The following FHIT variants were observed in gnomAD, a reference collection of about 807,000 sequenced individuals.
The protein encoded by FHIT is bis(5'-adenosyl)-triphosphatase.
In FHIT, 19 loss-of-function variants were observed where a neutral mutation model predicts 17.9. The observed-to-expected ratio is 1.06, with a 90% confidence interval of 0.74 to 1.56. FHIT has a LOEUF of 1.56. FHIT is among the 40% of genes most tolerant of loss of function. FHIT has a pLI of 0.00. For synonymous variants in FHIT, 81 were observed against 69.7 expected (o/e 1.16, Z -0.81); for missense variants, 248 against 189.2 (o/e 1.31, Z -1.82).
At chr3:61,119,037 G>A (rs2036380071) in intron 2 of FHIT, among the ~76,000 whole-genome samples, 1 of 152,042 alleles carries the variant, frequency 6.6e-6, no homozygotes, top group Non-Finnish European at 1.5e-5. Context: ...GAGTGGTATA[G>A]CCCCTTAGAG....
intron 5 of FHIT, among the ~76,000 whole-genome samples, chr3:60,256,733 T>C (rs1327854217): frequency 6.6e-6 from 1 of 152,198 alleles, no homozygotes; most frequent in Admixed American, 6.5e-5. Context: ...CCCAGCACCA[T>C]CATAATTCTA....
chr3:60,349,834 T>A (rs1710994314), intron 5 of FHIT, among the ~76,000 whole-genome samples: 1 of 152,216 alleles, frequency 6.6e-6, no homozygotes, highest in South Asian at 2.1e-4. Context: ...TATATGATTA[T>A]CATATTTATA....
At chr3:60,239,077 T>A (rs1163914260) in intron 5 of FHIT, among the ~76,000 whole-genome samples, 1 of 152,150 alleles carries the variant, frequency 6.6e-6, no homozygotes, top group Non-Finnish European at 1.5e-5. Flanking sequence ...CAGCCATGAG[T>A]ATTTGTGAGC....
chr3:60,868,017 A>G (rs1559787678), intron 3 of FHIT, among the ~76,000 whole-genome samples: 1 of 152,186 alleles, frequency 6.6e-6, no homozygotes, highest in Non-Finnish European at 1.5e-5. Flanking sequence ...TTTCTCAATG[A>G]CAAACCTGTG....
At chr3:60,762,978 C>A (rs1371933306) in intron 4 of FHIT, among the ~76,000 whole-genome samples, 1 of 152,108 alleles carries the variant, frequency 6.6e-6, no homozygotes, top group Non-Finnish European at 1.5e-5. Flanking sequence ...TCTGGAGAAC[C>A]CTGACTGCTA....
chr3:59,976,228 G>C (rs1250321727), intron 7 of FHIT, among the ~76,000 whole-genome samples: 2 of 152,038 alleles, frequency 1.3e-5, no homozygotes, highest in Non-Finnish European at 2.9e-5. Flanking sequence ...ACCTGGCTGA[G>C]CAAATGCTTT....
chr3:60,083,037 C>A (rs1703356536), intron 5 of FHIT, among the ~76,000 whole-genome samples: 1 of 152,102 alleles, frequency 6.6e-6, no homozygotes, highest in Non-Finnish European at 1.5e-5. Flanking sequence ...AATTATTTCC[C>A]AAGGCTGATG....
chr3:60,292,680 C>G (rs563676313), intron 5 of FHIT, among the ~76,000 whole-genome samples: 2 of 152,044 alleles, frequency 1.3e-5, no homozygotes, highest in African/African-American at 2.4e-5. Context: ...ATTATAGACA[C>G]CAACTAACGA....
intron 4 of FHIT, among the ~76,000 whole-genome samples, chr3:60,558,967 A>G (rs1031119958): frequency 6.6e-6 from 1 of 152,190 alleles, no homozygotes; most frequent in African/African-American, 2.4e-5. Flanking sequence ...TCTTTCAATT[A>G]GGAGCATGAA....
Position 60,472,157 on chromosome 3 carries a change from T to TAAA in FHIT, c.103+64700_103+64702dup, listed in dbSNP as rs143951495. On this transcript the variant is annotated intron_variant, in intron 5 of 9. Transcript: ENST00000492590. Reference sequence around the variant, plus strand: ...AGTAGCTCTCAGTCTACTTTTTTGTTAAAAAAAAAAAAGAGCAAAAACAAC... The same window carrying TAAA: ...AGTAGCTCTCAGTCTACTTTTTTGTTAAAAAAAAAAAAAAAGAGCAAAAACAAC... Among the ~76,000 whole-genome samples the TAAA allele has an allele frequency of 1.9e-3, 284 of 146,818 alleles. 2 individuals are homozygous for TAAA. The highest frequency in any genetic ancestry group is 6.3e-3 in the African/African-American group (253 of 40,454).
chr3:61,220,657 A>G (rs1576250457), intron 1 of FHIT, among the ~76,000 whole-genome samples: 1 of 152,194 alleles, frequency 6.6e-6, no homozygotes, highest in African/African-American at 2.4e-5. Flanking sequence ...GTCTTGTTCT[A>G]TATTAAATCT....
chr3:60,841,110 T>C (rs1702713133), intron 3 of FHIT, among the ~76,000 whole-genome samples: 1 of 152,230 alleles, frequency 6.6e-6, no homozygotes, highest in Non-Finnish European at 1.5e-5. Context: ...TCTTCATCTG[T>C]ATTTACCACA....
intron 3 of FHIT, among the ~76,000 whole-genome samples, chr3:60,839,105 G>A (rs1470418817): frequency 5.3e-5 from 8 of 152,002 alleles, no homozygotes; most frequent in African/African-American, 1.9e-4. Context: ...TGGGCTAGAG[G>A]GCCTCATCCT....
rs115094015 is a variant in FHIT at position 60,718,799 on chromosome 3, C to T, written c.-18+103120G>A. Among the ~76,000 whole-genome samples the T allele has an allele frequency of 2.8e-3, 430 of 152,226 alleles. 3 individuals carry two copies. Among genetic ancestry groups the T allele is most frequent in the Non-Finnish European group, 3.1e-3 (208 of 68,026 alleles). ...AACTCATGAGTTATATAGAATTAAACAAATTTTTTTGACTGTGGAACTTCT... is the reference window on the plus strand; with the variant it reads ...AACTCATGAGTTATATAGAATTAAATAAATTTTTTTGACTGTGGAACTTCT... On this transcript the variant is annotated intron_variant, in intron 4 of 9. Coordinates refer to ENST00000492590, the MANE Select transcript of FHIT (RefSeq NM_002012.4).
chr3:61,066,140 C>A (rs1465862897), intron 2 of FHIT, among the ~76,000 whole-genome samples: 1 of 152,172 alleles, frequency 6.6e-6, no homozygotes, highest in Non-Finnish European at 1.5e-5. Flanking sequence ...AACAAACCCA[C>A]TCTTGCAATA....
chr3:61,205,160 T>C (rs1346652055), intron 1 of FHIT, among the ~76,000 whole-genome samples: 2 of 152,172 alleles, frequency 1.3e-5, no homozygotes, highest in Non-Finnish European at 2.9e-5. Context: ...CTCATCATTT[T>C]TTATGGCTGC....
At chr3:60,912,795 C>A (rs782442653) in intron 3 of FHIT, 3 of 514,268 alleles carry the variant, frequency 5.8e-6, no homozygotes, top group Non-Finnish European at 1.2e-5. Context: ...CTTTGTCTTA[C>A]CATTTCTCTA....
chr3:60,611,651 C>G (rs1388617691), intron 4 of FHIT, among the ~76,000 whole-genome samples: 1 of 152,128 alleles, frequency 6.6e-6, no homozygotes, highest in Non-Finnish European at 1.5e-5. Context: ...AGGACAAGGA[C>G]TTTCTAACGC....
Position 60,468,590 on chromosome 3 carries a change from C to T in FHIT, c.103+68270G>A, listed in dbSNP as rs577287580. ...TAATAAAAACACTATACTTTTCATA[C>T]CCCTGCTTTTTAACTTTTTGTTGTT... On this transcript the variant is annotated intron_variant, in intron 5 of 9. Coordinates refer to ENST00000492590, the MANE Select transcript of FHIT (RefSeq NM_002012.4). 9.2e-5 allele frequency among the ~76,000 whole-genome samples: 14 copies of T among 152,076 alleles called. No homozygotes were observed. In the South Asian group the frequency reaches 2.7e-3, roughly 29 times the overall value.
Sources: gnomAD v4.1 joint callset for allele counts (sites outside exome capture counted in the v4.1 genomes callset) on GRCh38, gnomAD v4.1.1 for gene constraint, MANE v1.5 for transcripts, NCBI Gene and HGNC (gene_info 2026-07-23, HGNC 2026-07-21) for gene names.